AUTS2: variants seen among roughly 807,000 people sequenced by gnomAD.
AUTS2 encodes activator of transcription and developmental regulator AUTS2, also known as autism susceptibility gene 2 protein.
In AUTS2, 17 loss-of-function variants were observed where a neutral mutation model predicts 112.4. The observed-to-expected ratio is 0.15, with a 90% CI of 0.10 to 0.23. The LOEUF (loss-of-function observed/expected upper bound fraction) is 0.23, where lower values mean the gene tolerates loss of function less well. AUTS2 is among the 10% of genes least tolerant of loss of function. The probability of loss-of-function intolerance (pLI) is 1.00; values close to 1 mark genes in which losing one functional copy is unlikely to be tolerated. For missense variants in AUTS2, 1,510 were observed against 1,701.6 expected (o/e 0.89, Z 1.98); for synonymous variants, 751 against 702.7 (o/e 1.07, Z -1.09).
intron 4 of AUTS2, among the ~76,000 whole-genome samples, chr7:70,263,917 G>A (rs1450191206): frequency 6.6e-6 from 1 of 152,156 alleles, no homozygotes; most frequent in African/African-American, 2.4e-5. Context: ...GTTCCACCCA[G>A]CTTGAGGCAA....
At chr7:69,683,383 G>T (rs958538441) in intron 1 of AUTS2, among the ~76,000 whole-genome samples, 2 of 152,204 alleles carry the variant, frequency 1.3e-5, no homozygotes, top group African/African-American at 4.8e-5. Flanking sequence ...AATGCTTGCA[G>T]GTCTGGTTTT....
At chr7:70,239,120 C>T (rs1052546039) in intron 4 of AUTS2, among the ~76,000 whole-genome samples, 3 of 152,112 alleles carry the variant, frequency 2.0e-5, no homozygotes, top group African/African-American at 7.2e-5. Flanking sequence ...CCTGATTTAT[C>T]CCTAAACAAT....
rs1235069586 is a variant in AUTS2 at position 70,033,248 on chromosome 7, TAAATG to T, written c.523-84877_523-84873del. Reference sequence around the variant, plus strand: ...AAAAAGGTATTAAGTTTCCTCAAGTTAAATGAAATGACCAAAAGGGGAAAGGTTTT... The same window carrying T: ...AAAAAGGTATTAAGTTTCCTCAAGTTAAATGACCAAAAGGGGAAAGGTTTT... On this transcript the variant is annotated intron_variant, in intron 2 of 18. Transcript: ENST00000342771. 3.3e-5 allele frequency among the ~76,000 whole-genome samples: 5 copies of T among 152,294 alleles called. No individual in the cohort carries two copies. In the East Asian group the frequency reaches 9.6e-4, roughly 29 times the overall value.
chr7:70,338,400 G>A lies in AUTS2; in HGVS notation c.661-97352G>A, dbSNP rs535137215. ...TTGCAGTTGATGTTTAGAAACAGCC[G>A]GTATTACAGATAGCATAGACTGTCT... is the stretch of plus-strand genomic sequence containing the variant. On this transcript the variant is annotated intron_variant, in intron 4 of 18. Coordinates refer to ENST00000342771, the MANE Select transcript of AUTS2 (RefSeq NM_015570.4). Among the ~76,000 whole-genome samples the A allele has an allele frequency of 7.9e-5, 12 of 152,208 alleles. No individual in the cohort carries two copies. In the East Asian group the frequency reaches 1.4e-3, roughly 17 times the overall value.
intron 6 of AUTS2, among the ~76,000 whole-genome samples, chr7:70,709,784 G>C (rs1463778854): frequency 6.6e-6 from 1 of 152,208 alleles, no homozygotes; most frequent in Non-Finnish European, 1.5e-5. Context: ...CATTTTCCCT[G>C]CTAGCTGTGA....
chr7:70,589,187 C>T (rs895069551), intron 5 of AUTS2, among the ~76,000 whole-genome samples: 11 of 152,168 alleles, frequency 7.2e-5, no homozygotes, highest in African/African-American at 2.2e-4. Context: ...GCATGCACTG[C>T]GAGACATGAG....
intron 4 of AUTS2, among the ~76,000 whole-genome samples, chr7:70,357,092 G>A (rs950439683): frequency 7.9e-5 from 12 of 152,148 alleles, no homozygotes; most frequent in African/African-American, 2.4e-4. Context: ...CAGGTAGTTG[G>A]GCTCTAAGTG....
chr7:70,358,675 T>C (rs1585054067), intron 4 of AUTS2, among the ~76,000 whole-genome samples: 2 of 152,190 alleles, frequency 1.3e-5, no homozygotes, highest in South Asian at 2.1e-4. Context: ...ATGTGTCAGC[T>C]AGGTGGGCCC....
At chr7:70,732,515 A>C (rs555881928) in intron 6 of AUTS2, among the ~76,000 whole-genome samples, 156 of 152,262 alleles carry the variant, frequency 1.0e-3, no homozygotes, top group African/African-American at 3.5e-3. Flanking sequence ...CTATTTGTCA[A>C]GACCCCTGTC....
At chr7:70,661,485 C>T (rs73178275) in intron 5 of AUTS2, among the ~76,000 whole-genome samples, 6,367 of 152,270 alleles carry the variant, frequency 0.042, 241 homozygotes, top group Non-Finnish European at 0.055. Flanking sequence ...GAAACACACA[C>T]GCTTTGGACT....
intron 1 of AUTS2, among the ~76,000 whole-genome samples, chr7:69,796,523 C>CAA (rs57474916): frequency 4.0e-5 from 5 of 126,172 alleles, no homozygotes; most frequent in South Asian, 2.5e-4. Flanking sequence ...ACTCTGTTTC[C>CAA]AAAAAAAAAA....
intron 1 of AUTS2, among the ~76,000 whole-genome samples, chr7:69,751,732 T>C (rs574959737): frequency 6.6e-6 from 1 of 152,356 alleles, no homozygotes; most frequent in Admixed American, 6.5e-5. Flanking sequence ...TGAGGAAGTA[T>C]AGTAGTATAG....
At chr7:70,583,271 A>C (rs767923768) in intron 5 of AUTS2, among the ~76,000 whole-genome samples, 1 of 152,168 alleles carries the variant, frequency 6.6e-6, no homozygotes, top group Non-Finnish European at 1.5e-5. Flanking sequence ...CTTTAAAGAG[A>C]CTGGGGAGAT....
chr7:70,730,334 T>A (rs909824284), intron 6 of AUTS2, among the ~76,000 whole-genome samples: 1 of 152,170 alleles, frequency 6.6e-6, no homozygotes, highest in Admixed American at 6.5e-5. Context: ...TTCCAAGAGT[T>A]ATGCAGCTAT....
intron 1 of AUTS2, among the ~76,000 whole-genome samples, chr7:69,795,882 G>A (rs776701712): frequency 6.6e-5 from 10 of 152,184 alleles, no homozygotes; most frequent in East Asian, 1.9e-4. Context: ...TACGTGGCTC[G>A]TTATAAACCA....
chr7:70,618,659 CCA>C (rs1322099385), intron 5 of AUTS2, among the ~76,000 whole-genome samples: 1 of 152,140 alleles, frequency 6.6e-6, no homozygotes, highest in Non-Finnish European at 1.5e-5. Context: ...CCCCCTCACC[CCA>C]CACACACATG....
At chr7:70,443,796 C>T (rs1242155231) in intron 5 of AUTS2, among the ~76,000 whole-genome samples, 2 of 152,186 alleles carry the variant, frequency 1.3e-5, no homozygotes, top group South Asian at 2.1e-4. Flanking sequence ...GAACTGTCAC[C>T]ATGTACCTGT....
chr7:70,674,804 A>G (rs1249564160), intron 5 of AUTS2, among the ~76,000 whole-genome samples: 1 of 152,250 alleles, frequency 6.6e-6, no homozygotes, highest in African/African-American at 2.4e-5. Context: ...CAAACTGGAA[A>G]GAATCCACAA....
At chr7:69,913,827 G>T (rs1795456083) in intron 2 of AUTS2, among the ~76,000 whole-genome samples, 1 of 152,076 alleles carries the variant, frequency 6.6e-6, no homozygotes, top group African/African-American at 2.4e-5. Context: ...TGCTTCCCTT[G>T]CTTACTGGCT....
Sources: gnomAD v4.1 joint callset for allele counts (sites outside exome capture counted in the v4.1 genomes callset) on GRCh38, gnomAD v4.1.1 for gene constraint, MANE v1.5 for transcripts, NCBI Gene and HGNC (gene_info 2026-07-23, HGNC 2026-07-21) for gene names.